MCF2L2: variants seen among roughly 807,000 people sequenced by gnomAD.
MCF2L2 encodes the protein probable guanine nucleotide exchange factor MCF2L2.
Under a neutral mutation model 150.2 loss-of-function variants are expected in MCF2L2, and 102 were observed. The observed-to-expected ratio is 0.68, with a 90% CI of 0.58 to 0.80. The LOEUF is 0.80. MCF2L2 is among the 30% of genes least tolerant of loss of function. The pLI, the probability that MCF2L2 is intolerant of heterozygous loss-of-function variation, is 0.00. For synonymous variants in MCF2L2, 465 were observed against 491.3 expected, an observed-to-expected ratio of 0.95 and a Z score of 0.71; for missense variants, 1,256 against 1,372.8, an observed-to-expected ratio of 0.91 and a Z score of 1.34.
intron 15 of MCF2L2, among the ~76,000 whole-genome samples, chr3:183,262,071 A>T (rs1725647315): frequency 6.7e-6 from 1 of 148,240 alleles, no homozygotes; most frequent in Non-Finnish European, 1.5e-5. Flanking sequence ...CATATATATT[A>T]TATATATATA....
chr3:183,409,836 G>A (rs184509786), intron 1 of MCF2L2, among the ~76,000 whole-genome samples: 66 of 152,194 alleles, frequency 4.3e-4, no homozygotes, highest in Admixed American at 7.2e-4. Context: ...GATTACAAGC[G>A]TGAGCCACTG....
intron 3 of MCF2L2, among the ~76,000 whole-genome samples, chr3:183,364,571 GA>G (rs1446316587): frequency 1.3e-5 from 2 of 151,692 alleles, no homozygotes; most frequent in Non-Finnish European, 2.9e-5. Context: ...GTAGAGAATG[GA>G]AAAACCAATA....
intron 2 of MCF2L2, among the ~76,000 whole-genome samples, chr3:183,381,461 T>C (rs1713520468): frequency 6.6e-6 from 1 of 152,242 alleles, no homozygotes; most frequent in Non-Finnish European, 1.5e-5. Flanking sequence ...CCAAGCCTGA[T>C]AAGAATCTTC....
At chr3:183,195,857 C>T (rs1185227867) in intron 25 of MCF2L2, among the ~76,000 whole-genome samples, 1 of 152,312 alleles carries the variant, frequency 6.6e-6, no homozygotes, top group East Asian at 1.9e-4. Flanking sequence ...TTCGAGGCAC[C>T]TCTGTGATTT....
intron 1 of MCF2L2, among the ~76,000 whole-genome samples, chr3:183,415,438 C>T (rs1011151228): frequency 5.3e-5 from 8 of 152,152 alleles, no homozygotes; most frequent in African/African-American, 7.2e-5. Flanking sequence ...CTACCCACCT[C>T]GGCCTCCCAA....
At chr3:183,304,183 A>T (rs895959544) in intron 10 of MCF2L2, among the ~76,000 whole-genome samples, 2 of 152,206 alleles carry the variant, frequency 1.3e-5, no homozygotes, top group Non-Finnish European at 2.9e-5. Flanking sequence ...TGTTGTGACC[A>T]CTTATCTGCT....
At chr3:183,319,089 T>C (rs1351707269) in intron 6 of MCF2L2, among the ~76,000 whole-genome samples, 2 of 152,250 alleles carry the variant, frequency 1.3e-5, no homozygotes, top group African/African-American at 4.8e-5. Context: ...ACAATAGAAC[T>C]TCTTTCAAAA....
chr3:183,303,600 C>T (rs1372416646), intron 10 of MCF2L2, among the ~76,000 whole-genome samples: 1 of 152,192 alleles, frequency 6.6e-6, no homozygotes, highest in Non-Finnish European at 1.5e-5. Flanking sequence ...TCACGAAGCC[C>T]CGCAGGGACC....
At chr3:183,325,523 G>C (rs1201835455) in intron 5 of MCF2L2, among the ~76,000 whole-genome samples, 1 of 152,080 alleles carries the variant, frequency 6.6e-6, no homozygotes, top group Non-Finnish European at 1.5e-5. Context: ...AACCACTTAT[G>C]GGAGTTTTTA....
At chr3:183,228,508 T>C in intron 17 of MCF2L2, 142 bp from the exon 18 acceptor site, 1 of 528,040 alleles carries the variant, frequency 1.9e-6, no homozygotes, top group South Asian at 2.9e-5. Context: ...TTCTACACAT[T>C]GATTCAGAAA....
At chr3:183,328,880 A>C (rs949517512) in intron 5 of MCF2L2, among the ~76,000 whole-genome samples, 3 of 152,248 alleles carry the variant, frequency 2.0e-5, no homozygotes, top group Admixed American at 2.0e-4. Flanking sequence ...TTTGAACAGA[A>C]GCATCACCAA....
chr3:183,373,911 G>A (rs562339094), intron 3 of MCF2L2: 3 of 151,974 alleles, frequency 2.0e-5, no homozygotes, highest in Non-Finnish European at 4.4e-5. Context: ...CGAGATAATT[G>A]TAAGGCTCCT....
At chr3:183,251,743 T>A (rs796657121) in intron 15 of MCF2L2, among the ~76,000 whole-genome samples, 7 of 151,956 alleles carry the variant, frequency 4.6e-5, no homozygotes, top group African/African-American at 1.7e-4. Context: ...GTCATTCTCT[T>A]CCCCTCTCTC....
intron 3 of MCF2L2, chr3:183,373,180 A>G (rs914797550): frequency 3.9e-5 from 6 of 152,236 alleles, no homozygotes; most frequent in African/African-American, 1.4e-4. Flanking sequence ...TACAATTTAT[A>G]TAGCAGACGG....
At chr3:183,346,875 G>C (rs889507787) in intron 3 of MCF2L2, among the ~76,000 whole-genome samples, 1 of 152,096 alleles carries the variant, frequency 6.6e-6, no homozygotes, top group African/African-American at 2.4e-5. Flanking sequence ...TCTTCAAGGA[G>C]AACTACAAAT....
At chr3:183,243,003 A>C (rs953212654) in intron 15 of MCF2L2, among the ~76,000 whole-genome samples, 1 of 152,226 alleles carries the variant, frequency 6.6e-6, no homozygotes, top group African/African-American at 2.4e-5. Context: ...TCAGACTCGC[A>C]TAAGGCTGAT....
intron 1 of MCF2L2, among the ~76,000 whole-genome samples, chr3:183,404,468 T>G (rs1714930455): frequency 1.3e-5 from 2 of 152,258 alleles, no homozygotes; most frequent in Non-Finnish European, 2.9e-5. Flanking sequence ...CACATCCTGT[T>G]GATGGGTGTA....
chr3:183,361,027 A>AGAC (rs1399768527), intron 3 of MCF2L2, among the ~76,000 whole-genome samples: 1 of 131,530 alleles, frequency 7.6e-6, no homozygotes, highest in African/African-American at 3.2e-5. Context: ...AGAAAAGAGA[A>AGAC]AAGAAAAGGA....
chr3:183,425,264 A>G (rs957193151), intron 1 of MCF2L2, among the ~76,000 whole-genome samples: 4 of 152,190 alleles, frequency 2.6e-5, no homozygotes, highest in African/African-American at 7.2e-5. Context: ...AGATGACTCA[A>G]TTACCAAGTC....
Sources: allele counts gnomAD v4.1 joint callset (sites outside exome capture counted in the v4.1 genomes callset), GRCh38; gene constraint gnomAD v4.1.1; transcripts MANE v1.5; gene names NCBI Gene and HGNC (gene_info 2026-07-23, HGNC 2026-07-21).